The following CLASP2 variants were observed in gnomAD, a reference collection of about 807,000 sequenced individuals.
CLASP2 encodes the protein cytoplasmic linker associated protein 2.
Under a neutral mutation model 194.4 loss-of-function variants are expected in CLASP2, and 47 were observed. That is an observed-to-expected ratio of 0.24 (90% CI 0.19 to 0.31). The LOEUF is 0.31. CLASP2 is among the 10% of genes least tolerant of loss of function. CLASP2 has a pLI of 1.00. For missense variants in CLASP2, 1,445 were observed against 1,823.6 expected (o/e 0.79, Z 3.78); for synonymous variants, 619 against 633.5 (o/e 0.98, Z 0.34).
rs138418757 is a variant in CLASP2, at chr3:33,679,598, G to C, written c.644+4761C>G. On this transcript the variant is annotated intron_variant, in intron 6 of 38. Coordinates refer to ENST00000682230, the MANE Select transcript of CLASP2 (RefSeq NM_001365631.1). ...AAAGATCTGAACAAACATCTCACCA[G>C]AGAAGATATACAGATGGCAAACAAG... is the stretch of plus-strand genomic sequence containing the variant. 6.0e-3 allele frequency among the ~76,000 whole-genome samples: 913 copies of C among 152,246 alleles called. 33 individuals carry two copies. Among genetic ancestry groups the C allele is most frequent in the East Asian group, 5.8e-3 (30 of 5,186 alleles).
At chr3:33,604,788 C>T (rs1042669281) in intron 16 of CLASP2, among the ~76,000 whole-genome samples, 4 of 152,144 alleles carry the variant, frequency 2.6e-5, no homozygotes, top group African/African-American at 9.7e-5. Context: ...GTTCACTCTG[C>T]TCCTCAACAC....
At chr3:33,571,527 C>T (rs937076814) in intron 25 of CLASP2, among the ~76,000 whole-genome samples, 6 of 151,116 alleles carry the variant, frequency 4.0e-5, no homozygotes, top group Admixed American at 6.6e-5. Flanking sequence ...CCCAGCTACT[C>T]GGGAGGCTGA....
At chr3:33,694,577 C>T (rs2091678486) in intron 2 of CLASP2, among the ~76,000 whole-genome samples, 1 of 152,108 alleles carries the variant, frequency 6.6e-6, no homozygotes, top group East Asian at 1.9e-4. Flanking sequence ...CCATATCATA[C>T]CTAACTTTCT....
intron 11 of CLASP2, among the ~76,000 whole-genome samples, chr3:33,621,756 C>T (rs1264833841): frequency 1.3e-5 from 2 of 152,064 alleles, no homozygotes; most frequent in Middle Eastern, 3.2e-3. Flanking sequence ...GTTAATGATG[C>T]ATGTTGTAAT....
At chr3:33,665,938 A>T (rs28525228) in intron 6 of CLASP2, among the ~76,000 whole-genome samples, 2,887 of 152,280 alleles carry the variant, frequency 0.019, 96 homozygotes, top group African/African-American at 0.065. Flanking sequence ...AAAATACAAC[A>T]GAGACTGGAT....
At chr3:33,644,587 A>C in intron 8 of CLASP2, 170 bp downstream of exon 8, 1 of 710,772 alleles carries the variant, frequency 1.4e-6, no homozygotes, top group Non-Finnish European at 2.5e-6. Context: ...AGTATACAAT[A>C]TTTTATACAT....
At chr3:33,552,002 C>T (rs532370997) in intron 29 of CLASP2, among the ~76,000 whole-genome samples, 1 of 149,900 alleles carries the variant, frequency 6.7e-6, no homozygotes, top group South Asian at 2.1e-4. Context: ...CTTAATGAGT[C>T]CACCAGTTGT....
At chr3:33,535,105 A>G in intron 34 of CLASP2, 128 bp downstream of exon 34, 1 of 652,554 alleles carries the variant, frequency 1.5e-6, no homozygotes, top group Non-Finnish European at 2.6e-6. Flanking sequence ...AGAAGATGGG[A>G]GAAAACATTC....
At chr3:33,668,861 A>C (rs1238889126) in intron 6 of CLASP2, among the ~76,000 whole-genome samples, 1 of 152,214 alleles carries the variant, frequency 6.6e-6, no homozygotes, top group African/African-American at 2.4e-5. Context: ...TCTGGGTCTC[A>C]GAGTCTTCAT....
intron 10 of CLASP2, 116 bp from the exon 11 acceptor site, chr3:33,622,396 T>C: frequency 3.0e-6 from 2 of 669,996 alleles, no homozygotes; most frequent in Non-Finnish European, 4.5e-6. Flanking sequence ...ATATAATGTT[T>C]CATTACATTA....
At chr3:33,586,195 C>G (rs1167065245) in intron 21 of CLASP2, among the ~76,000 whole-genome samples, 1 of 151,476 alleles carries the variant, frequency 6.6e-6, no homozygotes, top group African/African-American at 2.4e-5. Context: ...AGTGCAGTGG[C>G]GCGATCTCGG....
chr3:33,645,116 A>ACTTC (rs1246122515), intron 7 of CLASP2: 1 of 663,556 alleles, frequency 1.5e-6, no homozygotes, highest in Non-Finnish European at 2.7e-6. Context: ...GTATTTTCAT[A>ACTTC]CTTCTTACTT....
At chr3:33,542,276 C>T (rs1340617128) in intron 32 of CLASP2, among the ~76,000 whole-genome samples, 13 of 150,296 alleles carry the variant, frequency 8.6e-5, no homozygotes, top group Admixed American at 8.6e-4. Flanking sequence ...CATATTTTTT[C>T]CTCAGAGGTA....
chr3:33,503,014 T>C (rs189729539), intron 37 of CLASP2: 1 of 152,340 alleles, frequency 6.6e-6, no homozygotes, highest in East Asian at 1.9e-4. Context: ...TGCTAAATTT[T>C]TCCTATTACA....
chr3:33,552,338 C>G (rs936544343), intron 29 of CLASP2, among the ~76,000 whole-genome samples: 3 of 151,960 alleles, frequency 2.0e-5, no homozygotes. Flanking sequence ...ATGCTGGTCT[C>G]GAACTCCTGA....
chr3:33,630,856 C>CTA (rs1282159982), intron 9 of CLASP2, among the ~76,000 whole-genome samples: 1 of 152,168 alleles, frequency 6.6e-6, no homozygotes, highest in African/African-American at 2.4e-5. Context: ...TCAAGTTCAA[C>CTA]TAAGTTTTAC....
At chr3:33,635,511 A>G (rs1334181412) in intron 8 of CLASP2, among the ~76,000 whole-genome samples, 1 of 152,206 alleles carries the variant, frequency 6.6e-6, no homozygotes, top group Non-Finnish European at 1.5e-5. Flanking sequence ...AAGACTTACA[A>G]AGCTGAAATA....
At chr3:33,517,431 T>C (rs2051640455) in intron 34 of CLASP2, among the ~76,000 whole-genome samples, 1 of 152,216 alleles carries the variant, frequency 6.6e-6, no homozygotes, top group African/African-American at 2.4e-5. Context: ...ATCACCCAGA[T>C]TTAACAGTTT....
intron 1 of CLASP2, among the ~76,000 whole-genome samples, chr3:33,711,367 T>C (rs929698939): frequency 1.1e-4 from 16 of 150,966 alleles, no homozygotes; most frequent in Non-Finnish European, 1.9e-4. Context: ...TACCTCAGCC[T>C]CCCGAATAGC....
Sources: allele counts gnomAD v4.1 joint callset (sites outside exome capture counted in the v4.1 genomes callset), GRCh38; gene constraint gnomAD v4.1.1; transcripts MANE v1.5; gene names NCBI Gene and HGNC (gene_info 2026-07-23, HGNC 2026-07-21).